The following CMSS1 variants were observed in gnomAD, a reference collection of about 807,000 sequenced individuals.
CMSS1 encodes cms1 ribosomal small subunit homolog.
In CMSS1, 33 loss-of-function variants were observed where a neutral mutation model predicts 43.5. The observed-to-expected ratio is 0.76, with a 90% CI of 0.57 to 1.01. CMSS1 has a LOEUF of 1.01. Ranked by LOEUF, CMSS1 falls within the 50% of genes least tolerant of loss-of-function variation. The pLI, the probability that CMSS1 is intolerant of heterozygous loss-of-function variation, is 0.00. For synonymous variants in CMSS1, 115 were observed against 117.2 expected, an observed-to-expected ratio of 0.98 and a Z score of 0.12; for missense variants, 313 against 326.4, an observed-to-expected ratio of 0.96 and a Z score of 0.32.
At chr3:99,981,467 C>G (rs1349241244) in intron 1 of CMSS1, among the ~76,000 whole-genome samples, 2 of 152,082 alleles carry the variant, frequency 1.3e-5, no homozygotes, top group Admixed American at 6.5e-5. Flanking sequence ...ATTAGTATTC[C>G]TAGCACTCAC....
intron 1 of CMSS1, among the ~76,000 whole-genome samples, chr3:99,986,165 G>C (rs1314243588): frequency 6.6e-6 from 1 of 152,170 alleles, no homozygotes. Flanking sequence ...ATAAGAACCA[G>C]ATATCTCAAA....
At chr3:100,121,425 C>T (rs1011281316) in intron 1 of CMSS1, among the ~76,000 whole-genome samples, 2 of 152,036 alleles carry the variant, frequency 1.3e-5, no homozygotes, top group Non-Finnish European at 2.9e-5. Context: ...TGAACTCATC[C>T]TTTTTTATGG....
chr3:99,832,621 T>C (rs2107487020), intron 1 of CMSS1, among the ~76,000 whole-genome samples: 1 of 142,192 alleles, frequency 7.0e-6, no homozygotes, highest in Non-Finnish European at 1.5e-5. Context: ...GGCGGGCGGA[T>C]CACTTGAGGT....
chr3:100,132,732 T>C (rs2066719154), intron 1 of CMSS1, among the ~76,000 whole-genome samples: 1 of 139,566 alleles, frequency 7.2e-6, no homozygotes, highest in Non-Finnish European at 1.5e-5. Context: ...GGCAGGCAAA[T>C]GGTGTGAACC....
At chr3:100,008,711 A>G (rs1710058977) in intron 1 of CMSS1, among the ~76,000 whole-genome samples, 1 of 152,214 alleles carries the variant, frequency 6.6e-6, no homozygotes, top group Non-Finnish European at 1.5e-5. Flanking sequence ...ATGTTTGCAT[A>G]TGTTTGCTAG....
chr3:100,028,047 T>G (rs2064959429), intron 1 of CMSS1, among the ~76,000 whole-genome samples: 1 of 152,228 alleles, frequency 6.6e-6, no homozygotes, highest in African/African-American at 2.4e-5. Context: ...GATTAAATTT[T>G]ACTCTGGCTA....
intron 1 of CMSS1, among the ~76,000 whole-genome samples, chr3:99,860,770 T>C (rs1944211494): frequency 6.6e-6 from 1 of 152,172 alleles, no homozygotes; most frequent in Non-Finnish European, 1.5e-5. Context: ...ACATGTAAAT[T>C]TGTACCAGGA....
chr3:99,894,383 G>A (rs930191535), intron 1 of CMSS1, among the ~76,000 whole-genome samples: 9 of 152,212 alleles, frequency 5.9e-5, no homozygotes, highest in East Asian at 3.8e-4. Flanking sequence ...CTGGCCAGAG[G>A]TGGATTCACT....
At chr3:100,130,174 A>C (rs2066694843) in intron 1 of CMSS1, among the ~76,000 whole-genome samples, 1 of 152,164 alleles carries the variant, frequency 6.6e-6, no homozygotes, top group South Asian at 2.1e-4. Flanking sequence ...CCATTCCTAT[A>C]AAGTGTGTCC....
At chr3:99,912,752 A>G (rs554537616) in intron 1 of CMSS1, among the ~76,000 whole-genome samples, 1 of 152,296 alleles carries the variant, frequency 6.6e-6, no homozygotes, top group South Asian at 2.1e-4. Context: ...TCCATGCCTC[A>G]GTTGATGGAC....
chr3:100,045,457 C>T (rs1437902711), intron 1 of CMSS1, among the ~76,000 whole-genome samples: 1 of 152,110 alleles, frequency 6.6e-6, no homozygotes, highest in Non-Finnish European at 1.5e-5. Context: ...AAACCATTAG[C>T]TTTCATTGTG....
At chr3:100,076,108 CA>C (rs770321284) in intron 1 of CMSS1, among the ~76,000 whole-genome samples, 3 of 152,154 alleles carry the variant, frequency 2.0e-5, no homozygotes, top group Non-Finnish European at 2.9e-5. Context: ...TTTCATCTGC[CA>C]TATGTATAAT....
chr3:99,822,782 G>T (rs888716062), intron 1 of CMSS1, among the ~76,000 whole-genome samples: 13 of 152,154 alleles, frequency 8.5e-5, no homozygotes, highest in African/African-American at 2.7e-4. Context: ...GCTTGCATTT[G>T]TTGAGCACTT....
rs144496757 is a variant in CMSS1 at position 100,166,228 on chromosome 3, A to T, written c.356-107A>T. 4.8e-5 allele frequency: 33 copies of T among 694,470 alleles called. No individual in the cohort carries two copies. The African/African-American group carries it at 5.9e-4, about 12-fold the overall frequency. 43.0% of individuals were successfully genotyped at this position (694,470 alleles called of 1,614,324 possible). ...AAGATATAAAATGGGCCCCCAATTC[A>T]CTAATATTTTACAACCTTATACATC... On this transcript the variant is annotated intron_variant, in intron 4 of 9. Transcript: ENST00000421999.
intron 1 of CMSS1, among the ~76,000 whole-genome samples, chr3:99,857,797 G>A (rs577068434): frequency 6.6e-6 from 1 of 152,284 alleles, no homozygotes; most frequent in South Asian, 2.1e-4. Context: ...CTTCTCATCT[G>A]TCTCTTTAAG....
At chr3:99,967,357 T>C (rs558361285) in intron 1 of CMSS1, among the ~76,000 whole-genome samples, 164 of 152,344 alleles carry the variant, frequency 1.1e-3, no homozygotes, top group African/African-American at 3.8e-3. Flanking sequence ...CAAAGCACTT[T>C]ACATGCATTG....
chr3:99,858,865 C>T (rs1303412861), intron 1 of CMSS1, among the ~76,000 whole-genome samples: 1 of 152,190 alleles, frequency 6.6e-6, no homozygotes, highest in Admixed American at 6.5e-5. Context: ...TCTGGAAAAG[C>T]GTCTGGTTTG....
intron 1 of CMSS1, among the ~76,000 whole-genome samples, chr3:100,077,528 GA>G (rs2065868297): frequency 1.3e-5 from 2 of 152,308 alleles, no homozygotes; most frequent in South Asian, 4.1e-4. Flanking sequence ...ATGGAGAGGG[GA>G]GAAGAGTAAC....
intron 3 of CMSS1, among the ~76,000 whole-genome samples, chr3:100,162,060 T>C (rs961071503): frequency 3.3e-5 from 5 of 152,240 alleles, no homozygotes; most frequent in African/African-American, 1.2e-4. Context: ...AATTTAGTTA[T>C]CTTGGAAGTC....
Sources: gnomAD v4.1 joint callset for allele counts (sites outside exome capture counted in the v4.1 genomes callset) on GRCh38, gnomAD v4.1.1 for gene constraint, MANE v1.5 for transcripts, NCBI Gene and HGNC (gene_info 2026-07-23, HGNC 2026-07-21) for gene names.